ATF7IP: variants seen among roughly 807,000 people sequenced by gnomAD.
ATF7IP encodes activating transcription factor 7-interacting protein 1.
ATF7IP carries 23 observed loss-of-function variants against 106.4 expected under a neutral mutation model. The observed-to-expected ratio is 0.22, with a 90% confidence interval of 0.16 to 0.31. ATF7IP has a LOEUF of 0.31. ATF7IP is among the 10% of genes least tolerant of loss of function. The pLI is 1.00. For synonymous variants in ATF7IP, 542 were observed against 539.0 expected (o/e 1.01, Z -0.08); for missense variants, 1,334 against 1,524.3 (o/e 0.88, Z 2.08).
chr12:14,497,547 G>A (rs1422045590), intron 14 of ATF7IP, 107 bp from the exon 15 acceptor site: 1 of 1,154,132 alleles, frequency 8.7e-7, no homozygotes, highest in Non-Finnish European at 1.2e-6. Flanking sequence ...TAGAATTCTT[G>A]ATATAAAATG....
At chr12:14,438,304 C>T in intron 5 of ATF7IP, 37 bp downstream of exon 5, 1 of 1,520,278 alleles carries the variant, frequency 6.6e-7, no homozygotes, top group Non-Finnish European at 8.9e-7. Context: ...CTCCATGTGT[C>T]ATTGTTTTTA....
At chr12:14,426,731 TA>T (rs1941865239) in intron 2 of ATF7IP, among the ~76,000 whole-genome samples, 1 of 140,402 alleles carries the variant, frequency 7.1e-6, no homozygotes, top group African/African-American at 2.7e-5. Context: ...GGGCCTGAGG[TA>T]GGGGGATCAC....
chr12:14,381,956 A>G (rs901502868), intron 1 of ATF7IP, among the ~76,000 whole-genome samples: 1 of 151,064 alleles, frequency 6.6e-6, no homozygotes, highest in African/African-American at 2.4e-5. Context: ...TAGCGCTCTT[A>G]TTTTACATGG....
chr12:14,491,567 C>T (rs187339265), intron 13 of ATF7IP, among the ~76,000 whole-genome samples: 2 of 152,150 alleles, frequency 1.3e-5, no homozygotes, highest in African/African-American at 4.8e-5. Context: ...TGGTATCTTG[C>T]AGGAGCAAAA....
rs1941730585 is a variant in ATF7IP at position 14,424,492 on chromosome 12, G to A, written c.577G>A (p.Asp193Asn). 8 of 1,614,160 alleles carry A rather than the reference G, an allele frequency of 5.0e-6. No homozygotes were observed. The highest frequency in any genetic ancestry group is 5.9e-6 in the Non-Finnish European group (7 of 1,180,016). ...GTCCCCTGGTGATGCCACCTCTGGT[G>A]ATGCCACTGCTGATGATCTCTCCTC... ...DVSPGDATSGDATADDLSSGD... is the reference protein window; with the variant it reads ...DVSPGDATSGNATADDLSSGD... Residue 193 changes from aspartate to asparagine, a missense_variant, in exon 2 of 15, where the codon GAT (aspartate) becomes AAT (asparagine). By Grantham distance (23) the Asp-to-Asn change is conservative. Transcript: ENST00000261168.
chr12:14,375,141 G>GAA (rs151015993), intron 1 of ATF7IP, among the ~76,000 whole-genome samples: 1 of 140,096 alleles, frequency 7.1e-6, no homozygotes, highest in African/African-American at 2.6e-5. Context: ...AGGTGGAGGT[G>GAA]AAAAAAAAAA....
chr12:14,371,270 A>G (rs1351564299), intron 1 of ATF7IP, among the ~76,000 whole-genome samples: 2 of 152,124 alleles, frequency 1.3e-5, no homozygotes, highest in East Asian at 1.9e-4. Context: ...TCACGGAAAT[A>G]TAGAACTCAA....
At chr12:14,385,036 C>G (rs1939156909) in intron 1 of ATF7IP, 1 of 209,200 alleles carries the variant, frequency 4.8e-6, no homozygotes, top group African/African-American at 2.3e-5. Context: ...TGTTTGGGAT[C>G]TGGATGTGCC....
chr12:14,393,082 A>G (rs1179260513), intron 1 of ATF7IP, among the ~76,000 whole-genome samples: 1 of 152,184 alleles, frequency 6.6e-6, no homozygotes, highest in Non-Finnish European at 1.5e-5. Flanking sequence ...CTGTCAAGTA[A>G]TTAGCTTATT....
rs1022588900 is a variant in ATF7IP, at chr12:14,484,927, A to G, written c.3280+3742A>G. ...AGGTCACATGGTGACTTGATGACCC[A>G]TAGTCAAATGTTCAGTTTCCACCAA... On this transcript the variant is annotated intron_variant, in intron 13 of 14. Coordinates refer to ENST00000261168, the MANE Select transcript of ATF7IP (RefSeq NM_018179.5). Among the ~76,000 whole-genome samples, 3 of 152,168 alleles carry G rather than the reference A, an allele frequency of 2.0e-5. No homozygotes were observed. In the East Asian group the frequency reaches 5.8e-4, roughly 29 times the overall value.
At chr12:14,464,519 A>G (rs879385958) in intron 9 of ATF7IP, among the ~76,000 whole-genome samples, 11 of 152,190 alleles carry the variant, frequency 7.2e-5, no homozygotes, top group Non-Finnish European at 1.5e-4. Flanking sequence ...TTGTATTTTT[A>G]TGGAGACGTA....
chr12:14,466,691 GT>G, intron 10 of ATF7IP, 101 bp downstream of exon 10: 1 of 924,492 alleles, frequency 1.1e-6, no homozygotes, highest in Non-Finnish European at 1.7e-6. Context: ...TTCTATGTGT[GT>G]TTTTTATAAC....
At chr12:14,481,335 C>T (rs919364973) in intron 13 of ATF7IP, 150 bp downstream of exon 13, 7 of 673,544 alleles carry the variant, frequency 1.0e-5, no homozygotes, top group South Asian at 1.9e-5. Flanking sequence ...ATCTGTACTA[C>T]AACATAGAAA....
chr12:14,496,104 G>A (rs1809517785), intron 13 of ATF7IP, 127 bp from the exon 14 acceptor site: 1 of 643,288 alleles, frequency 1.6e-6, no homozygotes, highest in Admixed American at 2.8e-5. Flanking sequence ...GGACCTCTAG[G>A]TTAGAAATAT....
intron 13 of ATF7IP, among the ~76,000 whole-genome samples, chr12:14,493,152 T>C (rs1410770918): frequency 6.6e-6 from 1 of 152,196 alleles, no homozygotes; most frequent in Non-Finnish European, 1.5e-5. Flanking sequence ...AGCTGCAACA[T>C]TAAATGCAGA....
At chr12:14,422,865 G>A (rs953587681) in intron 1 of ATF7IP, among the ~76,000 whole-genome samples, 3 of 152,104 alleles carry the variant, frequency 2.0e-5, no homozygotes, top group African/African-American at 7.2e-5. Flanking sequence ...GAGCATTTGT[G>A]TACAAGTTTT....
chr12:14,452,545 AAAACATC>A (rs1943246249), intron 6 of ATF7IP, among the ~76,000 whole-genome samples: 1 of 152,154 alleles, frequency 6.6e-6, no homozygotes, highest in Admixed American at 6.6e-5. Context: ...GGGATTACAT[AAAACATC>A]CTAAAGTTAC....
chr12:14,419,698 A>T (rs937265628), intron 1 of ATF7IP, among the ~76,000 whole-genome samples: 2 of 152,160 alleles, frequency 1.3e-5, no homozygotes, highest in Non-Finnish European at 2.9e-5. Flanking sequence ...TGAAGGTGTG[A>T]AATTTTAGTC....
chr12:14,426,872 G>T (rs1361529909), intron 2 of ATF7IP, among the ~76,000 whole-genome samples: 1 of 126,804 alleles, frequency 7.9e-6, no homozygotes, highest in South Asian at 2.7e-4. Context: ...TATTTTCAAA[G>T]AGCATTCAAC....
Sources: gnomAD v4.1 joint callset for allele counts (sites outside exome capture counted in the v4.1 genomes callset) on GRCh38, gnomAD v4.1.1 for gene constraint, MANE v1.5 for transcripts, NCBI Gene and HGNC (gene_info 2026-07-23, HGNC 2026-07-21) for gene names.